MTA3: variants seen among roughly 807,000 people sequenced by gnomAD.
MTA3 encodes the protein metastasis-associated protein MTA3.
In MTA3, 34 loss-of-function variants were observed where a neutral mutation model predicts 83.5. That is an observed-to-expected ratio of 0.41 (90% CI 0.31 to 0.54). The LOEUF (loss-of-function observed/expected upper bound fraction) is 0.54. MTA3 is among the 20% of genes least tolerant of loss of function. The pLI is 0.33. For synonymous variants in MTA3, 303 were observed against 252.7 expected (o/e 1.20, Z -1.89); for missense variants, 761 against 726.4 (o/e 1.05, Z -0.55).
intron 2 of MTA3, among the ~76,000 whole-genome samples, chr2:42,562,358 A>T (rs1010653905): frequency 6.6e-6 from 1 of 152,232 alleles, no homozygotes; most frequent in African/African-American, 2.4e-5. Flanking sequence ...GGAATGAGTC[A>T]GATTTGCTTT....
intron 2 of MTA3, among the ~76,000 whole-genome samples, chr2:42,527,530 G>T (rs569026117): frequency 6.6e-6 from 1 of 152,162 alleles, no homozygotes; most frequent in Admixed American, 6.5e-5. Flanking sequence ...TGTAGCTTTG[G>T]CCCTTATATT....
rs1670259684 is a variant in MTA3 at position 42,756,689 on chromosome 2, C to T, written c.*3290C>T. The stretch of plus-strand genomic sequence containing the variant: ...CTGTTTTCCTTTGGGGGAATTTACT[C>T]AGTTAGCAGCCCCTCCTCACCATTC... On this transcript the variant is annotated 3_prime_UTR_variant, in exon 17 of 17. Coordinates refer to ENST00000405094, the MANE Select transcript of MTA3 (RefSeq NM_001330442.2). The T allele has an allele frequency of 3.0e-6, 3 of 985,326 alleles. No individual in the cohort carries two copies. Among genetic ancestry groups the T allele is most frequent in the South Asian group, 9.4e-5 (2 of 21,284 alleles). The allele number at this position is 985,326 out of a possible 1,614,324, so 61.0% of individuals were successfully genotyped here.
At chr2:42,686,503 A>G (rs1302743126) in intron 9 of MTA3, among the ~76,000 whole-genome samples, 1 of 142,820 alleles carries the variant, frequency 7.0e-6, no homozygotes. Context: ...CCTGGGCAAC[A>G]TAGTAGACTC....
At chr2:42,660,123 T>C (rs1402050931) in intron 8 of MTA3, among the ~76,000 whole-genome samples, 2 of 151,896 alleles carry the variant, frequency 1.3e-5, no homozygotes, top group African/African-American at 4.8e-5. Flanking sequence ...GGAGTCTTGC[T>C]CTGTCACCAG....
rs181635600 is a variant in MTA3, at chr2:42,506,438, A to T, written c.-141+11184A>T. Among the ~76,000 whole-genome samples the T allele has an allele frequency of 3.7e-3, 562 of 152,034 alleles. 7 individuals are homozygous for T. The highest frequency in any genetic ancestry group is 0.013 in the African/African-American group (534 of 41,500). On this transcript the variant is annotated intron_variant, in intron 2 of 17. Transcript: ENST00000405592. ...CACTGCACTCCAGCCTGGGCAACAG[A>T]GTGAGACCTTGTCTCAAATATTATA...
chr2:42,639,362 G>A (rs1687495213), intron 4 of MTA3, among the ~76,000 whole-genome samples: 1 of 152,146 alleles, frequency 6.6e-6, no homozygotes, highest in African/African-American at 2.4e-5. Context: ...GCCCTGACCA[G>A]TATTTGTAAC....
At chr2:42,719,631 C>T (rs1206822597) in intron 15 of MTA3, among the ~76,000 whole-genome samples, 2 of 152,146 alleles carry the variant, frequency 1.3e-5, no homozygotes, top group Non-Finnish European at 2.9e-5. Flanking sequence ...GCCTTGACTT[C>T]CCAAAGTGCT....
intron 8 of MTA3, among the ~76,000 whole-genome samples, chr2:42,677,812 G>T (rs780333580): frequency 2.7e-4 from 41 of 152,136 alleles, no homozygotes; most frequent in Non-Finnish European, 5.6e-4. Flanking sequence ...AAATTTCCCA[G>T]TCTCAGGTTT....
chr2:42,617,252 T>C (rs555823362), intron 4 of MTA3, among the ~76,000 whole-genome samples: 21 of 152,310 alleles, frequency 1.4e-4, no homozygotes, highest in Non-Finnish European at 2.9e-4. Context: ...CAAATTGCAA[T>C]GTGTACATAC....
At position 42,528,596 on chromosome 2, in the gene MTA3, A is replaced by G. The variant is rs144762846; in HGVS notation, c.-141+33342A>G. ...ACTTGTTTCTTTTGTAAAGGAGCAC[A>G]GTTTTTAGAGACAGACCTGGTCATT... On this transcript the variant is annotated intron_variant, in intron 2 of 17. Transcript: ENST00000405592. 5.1e-4 allele frequency among the ~76,000 whole-genome samples: 77 copies of G among 152,338 alleles called. 1 individual carries two copies. The highest frequency in any genetic ancestry group is 1.7e-3 in the African/African-American group (70 of 41,576).
chr2:42,498,169 AT>A (rs1343305796), intron 2 of MTA3, among the ~76,000 whole-genome samples: 1 of 152,060 alleles, frequency 6.6e-6, no homozygotes, highest in Non-Finnish European at 1.5e-5. Context: ...GTTAATTCAT[AT>A]TTTTCAATGT....
Position 42,573,943 on chromosome 2 carries a change from C to G in MTA3, c.96+3439C>G, listed in dbSNP as rs183571485. Among the ~76,000 whole-genome samples the G allele has an allele frequency of 9.1e-3, 1,374 of 151,500 alleles. 131 individuals are homozygous for G. In the East Asian group the frequency reaches 0.22, roughly 24 times the overall value. ...ACACCATTCTCCTGCCTCAGCCTCC[C>G]GAGTAGCTGGGACTACAGGAGCCTG... On this transcript the variant is annotated intron_variant, in intron 2 of 16. Coordinates refer to ENST00000405094, the MANE Select transcript of MTA3 (RefSeq NM_001330442.2).
At chr2:42,722,032 C>T (rs1341118720) in intron 15 of MTA3, among the ~76,000 whole-genome samples, 1 of 152,136 alleles carries the variant, frequency 6.6e-6, no homozygotes, top group African/African-American at 2.4e-5. Context: ...AGGGTGATAT[C>T]TCAGCCCTTA....
intron 2 of MTA3, among the ~76,000 whole-genome samples, chr2:42,545,220 G>T (rs1192446268): frequency 6.6e-6 from 1 of 152,050 alleles, no homozygotes; most frequent in Non-Finnish European, 1.5e-5. Context: ...TCTACCAAAA[G>T]TACAAAAATT....
At chr2:42,623,572 T>G (rs761756867) in intron 4 of MTA3, among the ~76,000 whole-genome samples, 2 of 152,162 alleles carry the variant, frequency 1.3e-5, no homozygotes, top group Non-Finnish European at 2.9e-5. Context: ...CTTCTCTTTC[T>G]TTTTCCTTGG....
intron 4 of MTA3, among the ~76,000 whole-genome samples, chr2:42,636,027 A>G (rs894393094): frequency 6.6e-6 from 1 of 152,138 alleles, no homozygotes; most frequent in African/African-American, 2.4e-5. Context: ...CCTCAGCCTT[A>G]TAGAATGCTA....
chr2:42,690,377 G>A (rs1229329861), intron 9 of MTA3, among the ~76,000 whole-genome samples: 1 of 151,976 alleles, frequency 6.6e-6, no homozygotes, highest in East Asian at 1.9e-4. Flanking sequence ...GATGTACCTA[G>A]TTTCTGATGA....
At chr2:42,525,296 T>G (rs1246664920) in intron 2 of MTA3, among the ~76,000 whole-genome samples, 1 of 151,858 alleles carries the variant, frequency 6.6e-6, no homozygotes. Context: ...ACCTCTCAGG[T>G]TCAAGCAATT....
In MTA3 at chr2:42,754,312, C is replaced by T. The variant is rs1670094165; in HGVS notation, c.*913C>T. 1 of 985,324 alleles carries T rather than the reference C, an allele frequency of 1.0e-6. No individual in the cohort carries two copies. The highest frequency in any genetic ancestry group is 1.2e-6 in the Non-Finnish European group (1 of 829,958). The allele number at this position is 985,324 out of a possible 1,614,324, so 61.0% of individuals were successfully genotyped here. A position where few individuals can be genotyped will look rare whatever the true frequency, so the allele number is the denominator to read the frequency against. On this transcript the variant is annotated 3_prime_UTR_variant, in exon 17 of 17. Transcript: ENST00000405094. ...TTTAAGCAGACAGACTCTGTTTGGC[C>T]TAGAGGTGTGGAGTGAGAGAACTGT...
Sources: gnomAD v4.1 joint callset for allele counts (sites outside exome capture counted in the v4.1 genomes callset) on GRCh38, gnomAD v4.1.1 for gene constraint, MANE v1.5 for transcripts, NCBI Gene and HGNC (gene_info 2026-07-23, HGNC 2026-07-21) for gene names.